The following TASP1 variants were observed in gnomAD, a reference collection of about 807,000 sequenced individuals.
The protein encoded by TASP1 is threonine aspartase 1.
TASP1 carries 16 observed loss-of-function variants against 56.6 expected under a neutral mutation model. That is an observed-to-expected ratio of 0.28 (90% CI 0.19 to 0.43). The LOEUF (loss-of-function observed/expected upper bound fraction) is 0.43. TASP1 is among the 20% of genes least tolerant of loss of function. The probability of loss-of-function intolerance (pLI) is 1.00; values close to 1 mark genes in which losing one functional copy is unlikely to be tolerated. For missense variants in TASP1, 393 were observed against 511.6 expected, an observed-to-expected ratio of 0.77 and a Z score of 2.24; for synonymous variants, 179 against 184.2, an observed-to-expected ratio of 0.97 and a Z score of 0.23.
chr20:13,185,226 A>G, the TASP1 span, among the ~76,000 whole-genome samples: 3 of 152,178 alleles, frequency 2.0e-5, no homozygotes, highest in Non-Finnish European at 2.9e-5. Context: ...AAAAATATGA[A>G]TAATATAAGT....
chr20:13,170,860 T>G, the TASP1 span, among the ~76,000 whole-genome samples: 8 of 151,994 alleles, frequency 5.3e-5, no homozygotes, highest in South Asian at 1.7e-3. Context: ...ATGTGTGGGG[T>G]TTTTTCCCAG....
At chr20:13,334,158 T>C in the TASP1 span, among the ~76,000 whole-genome samples, 2 of 152,088 alleles carry the variant, frequency 1.3e-5, no homozygotes, top group Non-Finnish European at 2.9e-5. Flanking sequence ...TGTGCCAAGC[T>C]ATGGAAGTCA....
chr20:13,477,477 A>AG (rs1314687562), intron 11 of TASP1, among the ~76,000 whole-genome samples: 2 of 152,158 alleles, frequency 1.3e-5, no homozygotes, highest in African/African-American at 4.8e-5. Flanking sequence ...CTAAAAAAAA[A>AG]TGTACCATGA....
the TASP1 span, chr20:13,221,629 C>T: frequency 6.7e-4 from 361 of 536,074 alleles, 7 homozygotes; most frequent in East Asian, 0.021. Context: ...CCAGCGCCAG[C>T]CCCGCGGGCC....
chr20:13,472,683 CAG>C (rs2044556548), intron 11 of TASP1, among the ~76,000 whole-genome samples: 2 of 151,028 alleles, frequency 1.3e-5, no homozygotes, highest in African/African-American at 2.4e-5. Flanking sequence ...AGAATATGAA[CAG>C]ACAGTTTTCA....
In TASP1 at chr20:13,616,624, C is replaced by T. The variant is rs562822070; in HGVS notation, c.282+6822G>A. 4.6e-5 allele frequency among the ~76,000 whole-genome samples: 7 copies of T among 151,058 alleles called. No individual in the cohort carries two copies. In the South Asian group the frequency reaches 8.4e-4, roughly 18 times the overall value. On this transcript the variant is annotated intron_variant, in intron 4 of 13. Coordinates refer to ENST00000337743, the MANE Select transcript of TASP1 (RefSeq NM_017714.3). ...TAATCTAGAATGTAATCATTGATTC[C>T]GTTTTCTTTTTATTCTTTAAAAAAA...
chr20:13,602,018 A>T (rs2047980434), intron 4 of TASP1, among the ~76,000 whole-genome samples: 1 of 151,660 alleles, frequency 6.6e-6, no homozygotes, highest in Non-Finnish European at 1.5e-5. Flanking sequence ...CTGGGACTAC[A>T]GGTACCCGCC....
intron 8 of TASP1, among the ~76,000 whole-genome samples, chr20:13,556,388 C>G (rs533317352): frequency 6.6e-6 from 1 of 152,170 alleles, no homozygotes; most frequent in Admixed American, 6.5e-5. Flanking sequence ...CTTACCTCCC[C>G]CTTGGACTGA....
chr20:13,375,564 A>G, the TASP1 span, among the ~76,000 whole-genome samples: 1 of 152,172 alleles, frequency 6.6e-6, no homozygotes, highest in South Asian at 2.1e-4. Context: ...ATGTCTTTAT[A>G]GTAGAATAAT....
chr20:13,221,809 G>A, the TASP1 span: 1 of 1,457,380 alleles, frequency 6.9e-7, no homozygotes, highest in Admixed American at 2.5e-5. Flanking sequence ...TGCTGCTGCT[G>A]CTGGGGCTGC....
At chr20:13,298,819 G>A in the TASP1 span, 1 of 886,426 alleles carries the variant, frequency 1.1e-6, no homozygotes, top group Non-Finnish European at 1.7e-6. Flanking sequence ...ACTTCAGGGA[G>A]TTGTTGACTT....
chr20:13,555,684 A>C (rs970979873), intron 8 of TASP1, among the ~76,000 whole-genome samples: 2 of 152,164 alleles, frequency 1.3e-5, no homozygotes, highest in Non-Finnish European at 2.9e-5. Flanking sequence ...CCAAATGCCT[A>C]TGAATGTTGA....
the TASP1 span, among the ~76,000 whole-genome samples, chr20:13,214,688 C>A: frequency 6.6e-6 from 1 of 152,052 alleles, no homozygotes. Flanking sequence ...ACCTCTGCTG[C>A]GTTTTGCTAG....
At chr20:13,174,541 T>A in the TASP1 span, among the ~76,000 whole-genome samples, 1 of 151,998 alleles carries the variant, frequency 6.6e-6, no homozygotes, top group East Asian at 1.9e-4. Context: ...CTACAAAAAA[T>A]TTAAAAAATT....
At chr20:13,424,333 A>G (rs925909812) in intron 12 of TASP1, among the ~76,000 whole-genome samples, 5 of 152,242 alleles carry the variant, frequency 3.3e-5, no homozygotes, top group Admixed American at 6.5e-5. Context: ...GTAAAAGAGT[A>G]GCATTTACCA....
the TASP1 span, among the ~76,000 whole-genome samples, chr20:13,212,357 A>C: frequency 6.6e-6 from 1 of 152,198 alleles, no homozygotes; most frequent in Admixed American, 6.5e-5. Context: ...AGCATAAACA[A>C]AAAGCAAACT....
the TASP1 span, chr20:13,126,651 C>T: frequency 6.2e-7 from 1 of 1,613,906 alleles, no homozygotes; most frequent in Non-Finnish European, 8.5e-7. Context: ...ATCCATGAGC[C>T]CACCGATAGC....
the TASP1 span, among the ~76,000 whole-genome samples, chr20:13,256,024 C>G: frequency 6.6e-6 from 1 of 151,950 alleles, no homozygotes; most frequent in Non-Finnish European, 1.5e-5. Context: ...GATACCCAAG[C>G]AGCCAGTAGG....
chr20:13,287,294 G>A, the TASP1 span, among the ~76,000 whole-genome samples: 1 of 152,216 alleles, frequency 6.6e-6, no homozygotes, highest in African/African-American at 2.4e-5. Flanking sequence ...GGGAGAGTTT[G>A]TGCAGGGGAA....
Sources: gnomAD v4.1 joint callset for allele counts (sites outside exome capture counted in the v4.1 genomes callset) on GRCh38, gnomAD v4.1.1 for gene constraint, MANE v1.5 for transcripts, NCBI Gene and HGNC (gene_info 2026-07-23, HGNC 2026-07-21) for gene names.